CAMK1D: variants seen among roughly 807,000 people sequenced by gnomAD.
CAMK1D encodes calcium/calmodulin-dependent protein kinase type 1D.
CAMK1D carries 9 observed loss-of-function variants against 47.7 expected under a neutral mutation model. The observed-to-expected ratio is 0.19, with a 90% CI of 0.11 to 0.33. CAMK1D has a LOEUF of 0.33. Among genes scored for constraint, CAMK1D ranks in the 10% least tolerant of loss-of-function variants. CAMK1D has a pLI of 1.00. For missense variants in CAMK1D, 291 were observed against 488.7 expected (o/e 0.60, Z 3.81); for synonymous variants, 184 against 184.9 (o/e 0.99, Z 0.04).
At chr10:12,466,395 G>A (rs905302678) in intron 1 of CAMK1D, among the ~76,000 whole-genome samples, 3 of 151,834 alleles carry the variant, frequency 2.0e-5, no homozygotes, top group African/African-American at 4.8e-5. Context: ...GCGACAGAGC[G>A]AGATTCTGTC....
At chr10:12,734,708 A>G (rs1307278347) in intron 3 of CAMK1D, among the ~76,000 whole-genome samples, 1 of 151,630 alleles carries the variant, frequency 6.6e-6, no homozygotes, top group Non-Finnish European at 1.5e-5. Flanking sequence ...CTTGGGCACC[A>G]ACCTCTCCCT....
At chr10:12,713,728 T>A (rs747044604) in intron 3 of CAMK1D, among the ~76,000 whole-genome samples, 5 of 152,150 alleles carry the variant, frequency 3.3e-5, no homozygotes, top group Non-Finnish European at 7.4e-5. Context: ...CCCCAACAAG[T>A]GGCATTCACC....
chr10:12,654,726 C>T (rs1416798402), intron 2 of CAMK1D, among the ~76,000 whole-genome samples: 1 of 152,130 alleles, frequency 6.6e-6, no homozygotes, highest in Non-Finnish European at 1.5e-5. Context: ...CTTTAAAAAT[C>T]AGACTTATTA....
intron 6 of CAMK1D, among the ~76,000 whole-genome samples, chr10:12,811,641 G>A (rs969441764): frequency 3.3e-5 from 5 of 152,084 alleles, no homozygotes; most frequent in African/African-American, 1.2e-4. Context: ...TAAAAAACTG[G>A]CACCCAGAGA....
chr10:12,568,904 T>TA (rs1186275999), intron 2 of CAMK1D, among the ~76,000 whole-genome samples: 1 of 152,222 alleles, frequency 6.6e-6, no homozygotes, highest in Non-Finnish European at 1.5e-5. Flanking sequence ...CCATTATTAT[T>TA]ATTCAGTTAA....
In CAMK1D at chr10:12,643,948, AT is replaced by A. The variant is rs1041667466; in HGVS notation, c.225-22786del. Among the ~76,000 whole-genome samples, 5 of 151,816 alleles carry A rather than the reference AT, an allele frequency of 3.3e-5. 1 individual carries two copies. The highest frequency in any genetic ancestry group is 1.2e-4 in the African/African-American group (5 of 41,314). On this transcript the variant is annotated intron_variant, in intron 2 of 10. Transcript: ENST00000619168. ...CTGTCTCCCATCACCCCCAGAGGAG[AT>A]TGTCTAGTTTCAGGAAAACAAGCTC... is the stretch of plus-strand genomic sequence containing the variant.
intron 3 of CAMK1D, among the ~76,000 whole-genome samples, chr10:12,736,644 T>C (rs925839456): frequency 6.6e-6 from 1 of 152,224 alleles, no homozygotes; most frequent in Non-Finnish European, 1.5e-5. Context: ...AAGTGCCTGC[T>C]GTATGCATTT....
intron 1 of CAMK1D, among the ~76,000 whole-genome samples, chr10:12,378,965 A>G (rs1393566996): frequency 6.6e-6 from 1 of 152,038 alleles, no homozygotes; most frequent in Non-Finnish European, 1.5e-5. Flanking sequence ...ACATACCAGC[A>G]TGCCCGGCTA....
chr10:12,550,510 C>T (rs1836542984), intron 1 of CAMK1D, among the ~76,000 whole-genome samples: 1 of 152,158 alleles, frequency 6.6e-6, no homozygotes, highest in Non-Finnish European at 1.5e-5. Context: ...CAGGGGCCGT[C>T]TCTGGAATTG....
chr10:12,442,231 C>T (rs1832803337), intron 1 of CAMK1D, among the ~76,000 whole-genome samples: 1 of 152,178 alleles, frequency 6.6e-6, no homozygotes, highest in South Asian at 2.1e-4. Flanking sequence ...CCTGTAATCC[C>T]AGCACTTTGG....
At chr10:12,659,007 C>T (rs1183941006) in intron 2 of CAMK1D, among the ~76,000 whole-genome samples, 1 of 152,168 alleles carries the variant, frequency 6.6e-6, no homozygotes. Flanking sequence ...TAAAAGAGCA[C>T]CCTGTAACAC....
intron 6 of CAMK1D, among the ~76,000 whole-genome samples, chr10:12,800,946 T>C (rs2493763): frequency 0.43 from 65,598 of 151,586 alleles, 15,673 homozygotes; most frequent in African/African-American, 0.66. Flanking sequence ...GGTTCTGAGT[T>C]GTTGCCCAAA....
chr10:12,653,557 A>G (rs1840038400), intron 2 of CAMK1D, among the ~76,000 whole-genome samples: 1 of 152,218 alleles, frequency 6.6e-6, no homozygotes, highest in Non-Finnish European at 1.5e-5. Flanking sequence ...AACGTTAATT[A>G]CTGATGTGCA....
intron 10 of CAMK1D, 97 bp downstream of exon 10, chr10:12,825,787 G>A (rs1283395157): frequency 6.9e-6 from 11 of 1,585,094 alleles, no homozygotes; most frequent in Non-Finnish European, 8.6e-6. Flanking sequence ...CCTCCTGTTT[G>A]CCAGGCGCTT....
intron 1 of CAMK1D, among the ~76,000 whole-genome samples, chr10:12,423,630 C>A (rs1840130922): frequency 6.6e-6 from 1 of 152,208 alleles, no homozygotes; most frequent in Non-Finnish European, 1.5e-5. Flanking sequence ...GTACAGGGAA[C>A]CTCTGTTGGT....
chr10:12,528,894 G>A (rs988442675), intron 1 of CAMK1D, among the ~76,000 whole-genome samples: 6 of 151,888 alleles, frequency 4.0e-5, no homozygotes, highest in Admixed American at 2.0e-4. Context: ...GGTGCATGCC[G>A]TTACACCTGG....
intron 3 of CAMK1D, among the ~76,000 whole-genome samples, chr10:12,733,040 A>G (rs1834967222): frequency 1.3e-5 from 2 of 152,250 alleles, no homozygotes; most frequent in African/African-American, 2.4e-5. Context: ...AGCATATAGC[A>G]ATTACGATAC....
chr10:12,693,277 A>G (rs1351406958), intron 3 of CAMK1D, among the ~76,000 whole-genome samples: 1 of 152,054 alleles, frequency 6.6e-6, no homozygotes, highest in Non-Finnish European at 1.5e-5. Context: ...AGGCAGGAGA[A>G]TTGCTTGAAC....
At chr10:12,436,117 T>G (rs1021278320) in intron 1 of CAMK1D, among the ~76,000 whole-genome samples, 1 of 152,114 alleles carries the variant, frequency 6.6e-6, no homozygotes, top group Non-Finnish European at 1.5e-5. Context: ...GGAGACTGAG[T>G]GCCAATGGCT....
Sources: allele counts gnomAD v4.1 joint callset (sites outside exome capture counted in the v4.1 genomes callset), GRCh38; gene constraint gnomAD v4.1.1; transcripts MANE v1.5; gene names NCBI Gene and HGNC (gene_info 2026-07-23, HGNC 2026-07-21).